Variants in ARL17B observed in about 807,000 individuals in gnomAD.
ARL17B encodes the protein ADP-ribosylation factor-like protein 17.
intron 3 of ARL17B, among the ~76,000 whole-genome samples, chr17:46,343,325 G>GTACCATAAATTA (rs2144224840): frequency 6.7e-6 from 1 of 148,602 alleles, no homozygotes; most frequent in Non-Finnish European, 1.5e-5. Flanking sequence ...TATGGTACAT[G>GTACCATAAATTA]TGGAAGATTT....
downstream of ARL17B, among the ~76,000 whole-genome samples, chr17:46,274,573 A>G (rs530454873): frequency 6.6e-6 from 1 of 152,376 alleles, no homozygotes; most frequent in East Asian, 1.9e-4. Flanking sequence ...TGGATGGATT[A>G]TATGTAACCG....
chr17:46,279,188 T>A (rs1247114310), intron 4 of ARL17B, among the ~76,000 whole-genome samples: 1 of 114,262 alleles, frequency 8.8e-6, no homozygotes, highest in Non-Finnish European at 2.3e-5. Context: ...TTTTTTCTTT[T>A]TTTTTTTTTT....
intron 3 of ARL17B, among the ~76,000 whole-genome samples, chr17:46,315,311 C>A (rs2051016617): frequency 1.1e-5 from 1 of 87,510 alleles, no homozygotes; most frequent in Admixed American, 1.2e-4. Context: ...GATTGCTTGA[C>A]CCCAGGAGTT....
chr17:46,308,077 G>A (rs1215982619), intron 3 of ARL17B, among the ~76,000 whole-genome samples: 1 of 70,256 alleles, frequency 1.4e-5, no homozygotes. Context: ...CTACAATTAT[G>A]TAGGCAACAC....
chr17:46,313,131 GCAAA>G (rs2050900070), intron 3 of ARL17B, among the ~76,000 whole-genome samples: 1 of 47,624 alleles, frequency 2.1e-5, no homozygotes, highest in Non-Finnish European at 4.0e-5. Flanking sequence ...AGGTTGTATA[GCAAA>G]CAATCACCAT....
At chr17:46,275,696 G>A (rs935591082) in intron 4 of ARL17B, among the ~76,000 whole-genome samples, 10 of 152,232 alleles carry the variant, frequency 6.6e-5, no homozygotes, top group Non-Finnish European at 1.3e-4. Flanking sequence ...TCAGGCAACT[G>A]GACAAATAGA....
intron 3 of ARL17B, among the ~76,000 whole-genome samples, chr17:46,317,374 G>C (rs2051215877): frequency 1.3e-5 from 1 of 77,060 alleles, no homozygotes; most frequent in African/African-American, 3.3e-5. Context: ...TCTTATTGAG[G>C]ATCCCTTGTA....
rs1249435787 is a variant in ARL17B at position 46,317,234 on chromosome 17, G to C, written c.260-17569C>G. Among the ~76,000 whole-genome samples the C allele has an allele frequency of 6.2e-5, 5 of 80,508 alleles. 1 individual carries two copies. The highest frequency in any genetic ancestry group is 1.6e-4 in the African/African-American group (5 of 31,666). The allele number at this position is 80,508 out of a possible 152,430, so 52.8% of individuals were successfully genotyped here. A position where few individuals can be genotyped will look rare whatever the true frequency, so the allele number is the denominator to read the frequency against. On this transcript the variant is annotated intron_variant, in intron 3 of 4. Transcript: ENST00000434041. ...TGTAGAGACAGGGTTTTACTCTATT[G>C]CCAGTGCTGGTATCCAACTCCTGGC... is the stretch of plus-strand genomic sequence containing the variant.
chr17:46,286,916 C>A (rs1357774716), intron 4 of ARL17B, among the ~76,000 whole-genome samples: 7 of 152,226 alleles, frequency 4.6e-5, no homozygotes, highest in Non-Finnish European at 1.0e-4. Flanking sequence ...GCGATGCCAA[C>A]ACATTCTCCA....
At chr17:46,304,927 GGT>G (rs2050470355) in intron 3 of ARL17B, among the ~76,000 whole-genome samples, 1 of 67,934 alleles carries the variant, frequency 1.5e-5, no homozygotes, top group Non-Finnish European at 4.6e-5. Flanking sequence ...GGAGTGCAGT[GGT>G]GCGATCTCGG....
intron 3 of ARL17B, among the ~76,000 whole-genome samples, chr17:46,312,420 TAAC>T (rs1275374822): frequency 1.2e-4 from 8 of 65,678 alleles, no homozygotes; most frequent in East Asian, 3.1e-4. Context: ...GGAGGAAAGA[TAAC>T]AAACTTTGCC....
chr17:46,292,016 T>G (rs1352241941), intron 4 of ARL17B, among the ~76,000 whole-genome samples: 1 of 125,718 alleles, frequency 8.0e-6, no homozygotes, highest in Non-Finnish European at 1.7e-5. Flanking sequence ...CTAATCTGAA[T>G]TCACTCCAAA....
At chr17:46,277,803 C>A (rs139815144) in intron 4 of ARL17B, among the ~76,000 whole-genome samples, 1 of 151,818 alleles carries the variant, frequency 6.6e-6, no homozygotes, top group East Asian at 1.9e-4. Flanking sequence ...CCCACCCTTA[C>A]GCCTAGCTAA....
rs117491902 is a variant in ARL17B, at chr17:46,290,942, A to G, written c.*21+8584T>C. ...TTTTTCTGCAGGGTAACCCAGCCCT[A>G]TGCACCAATCATTACATGACTACCT... On this transcript the variant is annotated intron_variant, in intron 4 of 4. Coordinates refer to the ARL17B transcript ENST00000570618. Among the ~76,000 whole-genome samples the G allele has an allele frequency of 4.5e-3, 691 of 152,324 alleles. 4 individuals are homozygous for G. The highest frequency in any genetic ancestry group is 7.5e-3 in the Non-Finnish European group (512 of 68,018).
At chr17:46,280,589 T>TTTC (rs1555611513) in intron 4 of ARL17B, among the ~76,000 whole-genome samples, 3 of 149,562 alleles carry the variant, frequency 2.0e-5, no homozygotes, top group Non-Finnish European at 4.4e-5. Context: ...TTTTTTTTTT[T>TTTC]CCTGAGCAGA....
chr17:46,278,560 C>T (rs537360797), intron 4 of ARL17B, among the ~76,000 whole-genome samples: 8 of 151,652 alleles, frequency 5.3e-5, no homozygotes, highest in East Asian at 2.0e-4. Flanking sequence ...CTCACCACTG[C>T]GACCGGCTAA....
At chr17:46,289,080 T>A (rs572386341) in intron 4 of ARL17B, among the ~76,000 whole-genome samples, 1 of 152,352 alleles carries the variant, frequency 6.6e-6, no homozygotes, top group East Asian at 1.9e-4. Flanking sequence ...CAACTTACTC[T>A]TGGAAATGAT....
intron 4 of ARL17B, among the ~76,000 whole-genome samples, chr17:46,277,796 A>G (rs2696534): frequency 0.14 from 21,578 of 149,438 alleles, 1,870 homozygotes; most frequent in Middle Eastern, 0.22. Context: ...ACAGGTGCCC[A>G]CCCTTACGCC....
At chr17:46,285,910 G>A (rs373334752) in intron 4 of ARL17B, among the ~76,000 whole-genome samples, 1,263 of 123,728 alleles carry the variant, frequency 0.01, no homozygotes, top group Admixed American at 0.018. Context: ...TGTAAGGAAC[G>A]GAGCACCCTC....
Sources: gnomAD v4.1 joint callset for allele counts (sites outside exome capture counted in the v4.1 genomes callset) on GRCh38, gnomAD v4.1.1 for gene constraint, MANE v1.5 for transcripts, NCBI Gene and HGNC (gene_info 2026-07-23, HGNC 2026-07-21) for gene names.